The following LUZP2 variants were observed in gnomAD, a reference collection of about 807,000 sequenced individuals.
LUZP2 encodes leucine zipper protein 2.
Under a neutral mutation model 51.6 loss-of-function variants are expected in LUZP2, and 52 were observed. The observed-to-expected ratio is 1.01, with a 90% CI of 0.81 to 1.27. The LOEUF (loss-of-function observed/expected upper bound fraction) is 1.27, where lower values mean the gene tolerates loss of function less well. Ranked by LOEUF, LUZP2 falls within the 50% of genes most tolerant of loss-of-function variation. The pLI is 0.00. For synonymous variants in LUZP2, 154 were observed against 137.3 expected, an observed-to-expected ratio of 1.12 and a Z score of -0.85; for missense variants, 436 against 395.4, an observed-to-expected ratio of 1.10 and a Z score of -0.87.
intron 1 of LUZP2, among the ~76,000 whole-genome samples, chr11:24,530,354 A>C (rs1393656006): frequency 2.0e-5 from 3 of 150,848 alleles, no homozygotes; most frequent in Non-Finnish European, 4.5e-5. Flanking sequence ...TTTTTGATTA[A>C]ATTATCAGAA....
chr11:24,853,451 C>T (rs983217150), intron 5 of LUZP2, among the ~76,000 whole-genome samples: 2 of 151,950 alleles, frequency 1.3e-5, no homozygotes, highest in African/African-American at 4.8e-5. Context: ...AGTTCTTGTG[C>T]TGTGTTTTTC....
At chr11:24,593,926 C>G (rs1265468525) in intron 1 of LUZP2, among the ~76,000 whole-genome samples, 1 of 152,078 alleles carries the variant, frequency 6.6e-6, no homozygotes, top group Non-Finnish European at 1.5e-5. Context: ...GAAGACACAG[C>G]CTGCCAAACC....
At chr11:24,547,032 C>G (rs768018489) in intron 1 of LUZP2, among the ~76,000 whole-genome samples, 7 of 151,498 alleles carry the variant, frequency 4.6e-5, no homozygotes, top group Non-Finnish European at 1.0e-4. Context: ...AATTCCAGAA[C>G]TCATCATTGG....
At chr11:24,635,688 A>C (rs1223956551) in intron 1 of LUZP2, among the ~76,000 whole-genome samples, 1 of 152,108 alleles carries the variant, frequency 6.6e-6, no homozygotes, top group Non-Finnish European at 1.5e-5. Flanking sequence ...TTAAAACCTC[A>C]TCTGTAATGA....
At chr11:24,840,686 A>G (rs565238242) in intron 5 of LUZP2, among the ~76,000 whole-genome samples, 1 of 152,076 alleles carries the variant, frequency 6.6e-6, no homozygotes, top group African/African-American at 2.4e-5. Flanking sequence ...TCAAATGGGT[A>G]AAGTTAAGCC....
At chr11:24,921,856 G>A (rs905791455) in intron 7 of LUZP2, among the ~76,000 whole-genome samples, 6 of 151,934 alleles carry the variant, frequency 3.9e-5, no homozygotes, top group Non-Finnish European at 7.4e-5. Flanking sequence ...TATATTTAGC[G>A]TTTTTACTTT....
chr11:25,005,453 ATC>A (rs1434467006), intron 9 of LUZP2, among the ~76,000 whole-genome samples: 2 of 152,090 alleles, frequency 1.3e-5, no homozygotes, highest in Non-Finnish European at 2.9e-5. Context: ...TTTTTTCCCC[ATC>A]AGAGAGAGAA....
intron 5 of LUZP2, among the ~76,000 whole-genome samples, chr11:24,876,884 G>A (rs562356696): frequency 9.9e-5 from 15 of 152,144 alleles, no homozygotes; most frequent in African/African-American, 3.4e-4. Flanking sequence ...AAACAGGAAC[G>A]GACAACATTA....
intron 5 of LUZP2, among the ~76,000 whole-genome samples, chr11:24,765,446 G>T (rs1362005237): frequency 6.6e-6 from 1 of 152,016 alleles, no homozygotes; most frequent in Non-Finnish European, 1.5e-5. Flanking sequence ...TGCCTATTTT[G>T]TTGAGGGTTT....
intron 7 of LUZP2, among the ~76,000 whole-genome samples, chr11:24,933,661 T>G (rs1854517209): frequency 6.6e-6 from 1 of 152,206 alleles, no homozygotes; most frequent in African/African-American, 2.4e-5. Flanking sequence ...AGGCCTTTTT[T>G]TGAGAAGAGT....
At chr11:24,792,563 G>A (rs1030046682) in intron 5 of LUZP2, among the ~76,000 whole-genome samples, 6 of 151,868 alleles carry the variant, frequency 4.0e-5, no homozygotes, top group Admixed American at 1.3e-4. Flanking sequence ...AACTTAGTAC[G>A]GCACTGTTAT....
intron 1 of LUZP2, among the ~76,000 whole-genome samples, chr11:24,606,878 C>G (rs2133877999): frequency 6.6e-6 from 1 of 151,896 alleles, no homozygotes; most frequent in South Asian, 2.1e-4. Context: ...GTTTTGTTTT[C>G]CTTTTCCCTA....
intron 4 of LUZP2, among the ~76,000 whole-genome samples, chr11:24,741,787 G>A (rs1859152893): frequency 1.4e-5 from 2 of 139,276 alleles, no homozygotes; most frequent in Non-Finnish European, 3.1e-5. Flanking sequence ...ATATATATAT[G>A]GTTAATATAT....
chr11:24,503,488 G>A (rs78232662), intron 1 of LUZP2, among the ~76,000 whole-genome samples: 9,825 of 152,194 alleles, frequency 0.065, 337 homozygotes, highest in Middle Eastern at 0.11. Context: ...GGATTCTTTC[G>A]TAAACCCTAG....
intron 9 of LUZP2, among the ~76,000 whole-genome samples, chr11:25,045,288 G>C (rs1000481679): frequency 2.0e-5 from 3 of 151,592 alleles, no homozygotes; most frequent in Non-Finnish European, 2.9e-5. Flanking sequence ...CATCAGTATT[G>C]GTACAAAAAC....
intron 1 of LUZP2, among the ~76,000 whole-genome samples, chr11:24,600,889 G>A (rs941053459): frequency 5.9e-5 from 9 of 152,082 alleles, no homozygotes; most frequent in African/African-American, 1.7e-4. Context: ...ATACAATGTC[G>A]TTGGCAGGAT....
At chr11:24,544,836 T>C (rs1196328486) in intron 1 of LUZP2, among the ~76,000 whole-genome samples, 1 of 152,048 alleles carries the variant, frequency 6.6e-6, no homozygotes. Flanking sequence ...GGTAGTTCTG[T>C]TTTTTAGGTC....
intron 9 of LUZP2, among the ~76,000 whole-genome samples, chr11:25,030,918 TTA>T (rs1464675671): frequency 6.6e-4 from 15 of 22,824 alleles, no homozygotes; most frequent in African/African-American, 2.4e-3. Context: ...ATATATTGTA[TTA>T]TATATATATA....
intron 5 of LUZP2, among the ~76,000 whole-genome samples, chr11:24,870,339 A>G (rs1852022470): frequency 6.6e-6 from 1 of 152,136 alleles, no homozygotes; most frequent in African/African-American, 2.4e-5. Flanking sequence ...ACCCATTAAT[A>G]GCAGCTTCAA....
Sources: allele counts gnomAD v4.1 joint callset (sites outside exome capture counted in the v4.1 genomes callset), GRCh38; gene constraint gnomAD v4.1.1; transcripts MANE v1.5; gene names NCBI Gene and HGNC (gene_info 2026-07-23, HGNC 2026-07-21).